RBM33: variants seen among roughly 807,000 people sequenced by gnomAD.
RBM33 encodes RNA binding motif protein 33, also known as RNA-binding protein 33.
A neutral mutation model predicts 132.6 loss-of-function variants in RBM33; 28 were observed. That is an observed-to-expected ratio of 0.21 (90% CI 0.16 to 0.29). The LOEUF is 0.29. Among genes scored for constraint, RBM33 ranks in the 10% least tolerant of loss-of-function variants. The probability of loss-of-function intolerance (pLI) is 1.00; values close to 1 mark genes in which losing one functional copy is unlikely to be tolerated. For missense variants in RBM33, 1,291 were observed against 1,518.5 expected (o/e 0.85, Z 2.49); for synonymous variants, 634 against 593.0 (o/e 1.07, Z -1.01).
chr7:155,673,949 T>TTTTTTTTTTG lies in RBM33; in HGVS notation c.171+1043_171+1044insGTTTTTTTTT, dbSNP rs1563138384. On this transcript the variant is annotated intron_variant, in intron 3 of 17. Coordinates refer to ENST00000401878, the MANE Select transcript of RBM33 (RefSeq NM_053043.3). Reference sequence around the variant, plus strand: ...AGATAGTTTAGGCTTAGTTTTTTTTTTTTTTTTTTTTTTTTTTTTTTTTGA... The same window carrying TTTTTTTTTTG: ...AGATAGTTTAGGCTTAGTTTTTTTTTTTTTTTTTTGTTTTTTTTTTTTTTTTTTTTTTTGA... Among the ~76,000 whole-genome samples, 38 of 106,512 alleles carry TTTTTTTTTTG rather than the reference T, an allele frequency of 3.6e-4. 4 individuals are homozygous for TTTTTTTTTTG. The highest frequency in any genetic ancestry group is 7.4e-4 in the Non-Finnish European group (37 of 50,270). The allele number at this position is 106,512 out of a possible 152,430, so 69.9% of individuals were successfully genotyped here. A position where few individuals can be genotyped will look rare whatever the true frequency, so the allele number is the denominator to read the frequency against.
intron 1 of RBM33, among the ~76,000 whole-genome samples, chr7:155,648,189 G>A (rs1195568339): frequency 6.6e-6 from 1 of 152,078 alleles, no homozygotes; most frequent in Non-Finnish European, 1.5e-5. Flanking sequence ...CAACATTCTG[G>A]CAATCTGTTT....
At chr7:155,680,561 C>CTTTTTTT in intron 4 of RBM33, 29 bp from the exon 5 acceptor site, 2 of 1,097,526 alleles carry the variant, frequency 1.8e-6, no homozygotes, top group Middle Eastern at 2.2e-4. Flanking sequence ...TCATTGGGTG[C>CTTTTTTT]TTTTTTTTTT....
At chr7:155,700,656 T>C (rs2116957848) in intron 5 of RBM33, 117 bp from the exon 6 acceptor site, 2 of 742,468 alleles carry the variant, frequency 2.7e-6, no homozygotes, top group East Asian at 2.8e-5. Context: ...CAGGACATTT[T>C]GCAGTATTTT....
intron 14 of RBM33, among the ~76,000 whole-genome samples, chr7:155,748,043 G>T (rs939395275): frequency 6.6e-6 from 1 of 152,226 alleles, no homozygotes; most frequent in African/African-American, 2.4e-5. Context: ...GCTCAGGGAT[G>T]TTTCCTGCCT....
At chr7:155,660,422 C>A (rs1369397719) in intron 1 of RBM33, among the ~76,000 whole-genome samples, 1 of 152,146 alleles carries the variant, frequency 6.6e-6, no homozygotes, top group East Asian at 1.9e-4. Context: ...GGTAAGACTT[C>A]AGCATATATT....
chr7:155,661,146 A>ATATATATTTTTTTTT (rs1421586760), intron 1 of RBM33, among the ~76,000 whole-genome samples: 1 of 81,182 alleles, frequency 1.2e-5, no homozygotes, highest in Non-Finnish European at 2.6e-5. Flanking sequence ...ATATATATAT[A>ATATATATTTTTTTTT]TTTTTTTTTT....
chr7:155,775,112 G>A lies in RBM33; in HGVS notation c.*71G>A. ...ATTTCTTCAAGGGAGCTGCCGGCCG[G>A]CGCAGAACCCCCAGGAGCACAGGTC... On this transcript the variant is annotated 3_prime_UTR_variant, in exon 18 of 18. Coordinates refer to ENST00000401878, the MANE Select transcript of RBM33 (RefSeq NM_053043.3). 1.5e-6 allele frequency: 2 copies of A among 1,353,776 alleles called. No individual in the cohort carries two copies. Among genetic ancestry groups the A allele is most frequent in the Non-Finnish European group, 2.1e-6 (2 of 943,060 alleles). 83.9% of individuals were successfully genotyped at this position (1,353,776 alleles called of 1,614,324 possible).
chr7:155,751,059 C>A (rs1029035055), intron 14 of RBM33, among the ~76,000 whole-genome samples: 2 of 152,154 alleles, frequency 1.3e-5, no homozygotes, highest in African/African-American at 4.8e-5. Flanking sequence ...TCCCTTCCTA[C>A]CTTCTCAAAA....
chr7:155,746,259 C>T (rs571556950), intron 14 of RBM33, among the ~76,000 whole-genome samples: 39 of 152,226 alleles, frequency 2.6e-4, no homozygotes, highest in Admixed American at 2.6e-3. Context: ...ACTCAGTGAG[C>T]AGCTGTGGGA....
In RBM33 at chr7:155,701,045, T is replaced by C. The variant is rs914194552; in HGVS notation, c.739+101T>C. The C allele has an allele frequency of 9.7e-6, 10 of 1,032,062 alleles. No homozygotes were observed. The East Asian group carries it at 2.6e-4, about 27-fold the overall frequency. 63.9% of individuals were successfully genotyped at this position (1,032,062 alleles called of 1,614,324 possible). A position where few individuals can be genotyped will look rare whatever the true frequency, so the allele number is the denominator to read the frequency against. On this transcript the variant is annotated intron_variant, in intron 6 of 17. Transcript: ENST00000401878. ...AAGTAGGCAAAGAAGGTTGACTAGG[T>C]AATTGCGGCTGCCGTCCGGAGAGTG...
chr7:155,715,949 A>T (rs1800448456), intron 8 of RBM33, among the ~76,000 whole-genome samples: 2 of 152,356 alleles, frequency 1.3e-5, no homozygotes, highest in Admixed American at 6.5e-5. Context: ...GAGGATGAAG[A>T]GTGTTCCGTT....
chr7:155,756,623 T>C (rs865900000), intron 14 of RBM33, among the ~76,000 whole-genome samples: 11 of 152,230 alleles, frequency 7.2e-5, no homozygotes, highest in Middle Eastern at 3.4e-3. Flanking sequence ...CTATTTGTTC[T>C]GAGAGATGAC....
At chr7:155,714,228 G>A (rs1249481052) in intron 8 of RBM33, among the ~76,000 whole-genome samples, 1 of 152,174 alleles carries the variant, frequency 6.6e-6, no homozygotes, top group Non-Finnish European at 1.5e-5. Context: ...GTTTATGAGG[G>A]TCATAGTTTT....
intron 16 of RBM33, among the ~76,000 whole-genome samples, chr7:155,773,888 A>G (rs982121051): frequency 1.6e-4 from 24 of 152,288 alleles, no homozygotes; most frequent in African/African-American, 5.8e-4. Flanking sequence ...TACTGGATTC[A>G]TCATTTCTTT....
In RBM33 at chr7:155,779,812, G is replaced by A. The variant is rs1332563790; in HGVS notation, c.*4771G>A. On this transcript the variant is annotated 3_prime_UTR_variant, in exon 18 of 18. Coordinates refer to ENST00000401878, the MANE Select transcript of RBM33 (RefSeq NM_053043.3). ...TTTTGGTAGGAAATCTTTAAGATTG[G>A]CGGACGGAACAGGTATTTTAGTGAG... The A allele has an allele frequency of 1.3e-5, 2 of 152,166 alleles. No homozygotes were observed. 9.4% of individuals were successfully genotyped at this position (152,166 alleles called of 1,614,324 possible).
At chr7:155,744,901 A>T in intron 13 of RBM33, 60 bp from the exon 14 acceptor site, 1 of 1,453,864 alleles carries the variant, frequency 6.9e-7, no homozygotes, top group Non-Finnish European at 9.2e-7. Flanking sequence ...AATTTGTTGA[A>T]ATAGACTATG....
At chr7:155,759,610 G>A (rs1056839092) in intron 14 of RBM33, among the ~76,000 whole-genome samples, 2 of 151,806 alleles carry the variant, frequency 1.3e-5, no homozygotes, top group African/African-American at 4.8e-5. Context: ...TAGTAGAGAC[G>A]GGGTTTCACC....
chr7:155,773,710 C>T (rs1007758613), intron 16 of RBM33, among the ~76,000 whole-genome samples: 1 of 151,802 alleles, frequency 6.6e-6, no homozygotes, highest in Non-Finnish European at 1.5e-5. Context: ...GTTCACAGAG[C>T]GCCACTGAAC....
intron 1 of RBM33, among the ~76,000 whole-genome samples, chr7:155,660,152 C>T (rs762014955): frequency 4.6e-5 from 7 of 152,206 alleles, no homozygotes; most frequent in Non-Finnish European, 1.0e-4. Flanking sequence ...TGACTGACTA[C>T]ACCCTCTGCC....
Sources: gnomAD v4.1 joint callset for allele counts (sites outside exome capture counted in the v4.1 genomes callset) on GRCh38, gnomAD v4.1.1 for gene constraint, MANE v1.5 for transcripts, NCBI Gene and HGNC (gene_info 2026-07-23, HGNC 2026-07-21) for gene names.